The following PTPRN2 variants were observed in gnomAD, a reference collection of about 807,000 sequenced individuals.
PTPRN2 encodes receptor-type tyrosine-protein phosphatase N2.
A neutral mutation model predicts 118.8 loss-of-function variants in PTPRN2; 74 were observed. The observed-to-expected ratio is 0.62, with a 90% CI of 0.52 to 0.76. PTPRN2 has a LOEUF of 0.76. Ranked by LOEUF, PTPRN2 falls within the 30% of genes least tolerant of loss-of-function variation. The pLI, the probability that PTPRN2 is intolerant of heterozygous loss-of-function variation, is 0.00. For synonymous variants in PTPRN2, 641 were observed against 608.0 expected (o/e 1.05, Z -0.80); for missense variants, 1,481 against 1,394.4 (o/e 1.06, Z -0.99).
intron 11 of PTPRN2, among the ~76,000 whole-genome samples, chr7:157,961,941 G>A (rs1354304785): frequency 2.0e-5 from 3 of 152,036 alleles, no homozygotes; most frequent in Non-Finnish European, 1.5e-5. Context: ...GAGACCCGGC[G>A]GCCACACCTG....
At position 158,010,192 on chromosome 7, in the gene PTPRN2, G is replaced by T. The variant is rs559488418; in HGVS notation, c.1723+71106C>A. On this transcript the variant is annotated intron_variant, in intron 11 of 22. Transcript: ENST00000389418. ...GGTAAAGCCTCAACACGGGAGGACG[G>T]AGTTCATTTTCCTCCACTACCACGA... Among the ~76,000 whole-genome samples, 6 of 152,300 alleles carry T rather than the reference G, an allele frequency of 3.9e-5. No individual in the cohort carries two copies. In the East Asian group the frequency reaches 1.2e-3, roughly 29 times the overall value.
intron 3 of PTPRN2, among the ~76,000 whole-genome samples, chr7:158,250,733 A>C (rs1480952862): frequency 6.6e-6 from 1 of 152,230 alleles, no homozygotes; most frequent in Non-Finnish European, 1.5e-5. Context: ...GTTGCGCCGT[A>C]GTCCTGATTC....
chr7:157,893,872 G>A lies in PTPRN2; in HGVS notation c.1788+4801C>T, dbSNP rs551752387. ...AGTCCAATCTGTAGAACTCACGGAG[G>A]AGGAGCTGGTCGACTTGAAGGGAAC... On this transcript the variant is annotated intron_variant, in intron 12 of 22. Transcript: ENST00000389418. This position sits in a 1 kb window ranked among gnomAD's most constrained non-coding sequence, Gnocchi z 4.0. 6.6e-6 allele frequency among the ~76,000 whole-genome samples: 1 copy of A among 152,312 alleles called. No individual in the cohort carries two copies. Among genetic ancestry groups the A allele is most frequent in the Admixed American group, 6.5e-5 (1 of 15,302 alleles).
intron 12 of PTPRN2, among the ~76,000 whole-genome samples, chr7:157,790,428 C>T (rs1585475957): frequency 1.3e-5 from 2 of 151,970 alleles, no homozygotes; most frequent in African/African-American, 4.8e-5. Context: ...GGAAGGAGAC[C>T]GGGCGCTCCT....
At chr7:158,301,216 CACTTTGCACGGGCCGTGCA>C (rs1378329953) in intron 3 of PTPRN2, among the ~76,000 whole-genome samples, 1 of 152,166 alleles carries the variant, frequency 6.6e-6, no homozygotes, top group Non-Finnish European at 1.5e-5. Flanking sequence ...CCTGTATTTG[CACTTTGCACGGGCCGTGCA>C]AATTAAACAG....
intron 3 of PTPRN2, among the ~76,000 whole-genome samples, chr7:158,248,051 G>A (rs1796374489): frequency 6.6e-6 from 1 of 152,168 alleles, no homozygotes; most frequent in African/African-American, 2.4e-5. Flanking sequence ...CATCGTTTCT[G>A]AGGGTAAAGA....
chr7:158,126,729 C>T (rs1012454485), intron 9 of PTPRN2, among the ~76,000 whole-genome samples: 5 of 152,210 alleles, frequency 3.3e-5, no homozygotes, highest in African/African-American at 1.2e-4. Context: ...GCAGTGGTTC[C>T]TGAGCACTCG....
At chr7:158,067,157 G>GGAA (rs1810838048) in intron 11 of PTPRN2, among the ~76,000 whole-genome samples, 1 of 152,214 alleles carries the variant, frequency 6.6e-6, no homozygotes, top group South Asian at 2.1e-4. Context: ...GGAGGGCAAG[G>GGAA]GAAGGGTTGA....
chr7:158,134,299 C>G (rs952215179), intron 8 of PTPRN2, among the ~76,000 whole-genome samples: 8 of 152,122 alleles, frequency 5.3e-5, no homozygotes, highest in African/African-American at 1.9e-4. Context: ...CCCTCCCGCT[C>G]CCTCTCACAC....
At chr7:158,144,617 C>T (rs996834459) in intron 6 of PTPRN2, among the ~76,000 whole-genome samples, 42 of 151,960 alleles carry the variant, frequency 2.8e-4, no homozygotes, top group Middle Eastern at 3.4e-3. Context: ...CCAGCCTGGG[C>T]GATAGAGCGA....
At chr7:158,234,848 C>T (rs909534807) in intron 3 of PTPRN2, among the ~76,000 whole-genome samples, 4 of 152,204 alleles carry the variant, frequency 2.6e-5, no homozygotes, top group Non-Finnish European at 5.9e-5. Context: ...CTGCAACCTC[C>T]ACCTCCTGGA....
intron 14 of PTPRN2, among the ~76,000 whole-genome samples, chr7:157,633,638 C>A (rs1194774662): frequency 6.6e-6 from 1 of 152,124 alleles, no homozygotes; most frequent in Non-Finnish European, 1.5e-5. Flanking sequence ...GAGCCATGGG[C>A]CGAGTCCCCG....
At chr7:158,314,579 C>T (rs1459633015) in intron 3 of PTPRN2, among the ~76,000 whole-genome samples, 1 of 152,246 alleles carries the variant, frequency 6.6e-6, no homozygotes, top group Non-Finnish European at 1.5e-5. Flanking sequence ...GCCCAAGCCG[C>T]CCTGGAGGCT....
At chr7:158,103,203 A>T (rs1815386423) in intron 10 of PTPRN2, among the ~76,000 whole-genome samples, 1 of 152,142 alleles carries the variant, frequency 6.6e-6, no homozygotes, top group African/African-American at 2.4e-5. Flanking sequence ...TGGGCCCACG[A>T]TGAGTTCCTG....
chr7:157,661,926 C>A (rs923991847), intron 13 of PTPRN2, among the ~76,000 whole-genome samples: 1 of 152,218 alleles, frequency 6.6e-6, no homozygotes, highest in Non-Finnish European at 1.5e-5. Context: ...GAGACAGAGG[C>A]AACGGGGCCA....
At chr7:157,554,784 G>C (rs541824493) in intron 21 of PTPRN2, among the ~76,000 whole-genome samples, 1 of 152,226 alleles carries the variant, frequency 6.6e-6, no homozygotes, top group Middle Eastern at 3.2e-3. Context: ...CAGAGCGTGG[G>C]GTCCACGGAG....
intron 14 of PTPRN2, among the ~76,000 whole-genome samples, chr7:157,635,697 C>T (rs953953864): frequency 6.6e-6 from 1 of 152,000 alleles, no homozygotes; most frequent in Non-Finnish European, 1.5e-5. Context: ...AGAATTTTCT[C>T]CTATATTTTA....
chr7:157,696,468 C>A (rs1797780507), intron 12 of PTPRN2, among the ~76,000 whole-genome samples: 2 of 142,484 alleles, frequency 1.4e-5, no homozygotes, highest in Non-Finnish European at 3.0e-5. Flanking sequence ...CACCATCTAC[C>A]CATGCATACT....
In PTPRN2 at chr7:157,784,472, G is replaced by A. The variant is rs1803891317; in HGVS notation, c.1789-101535C>T. Reference sequence around the variant, plus strand: ...TCCAGCCTCACCTGCAAAAGCTGTGGCTGCGGGAACCTTCCTGCCCTGCAG... The same window carrying A: ...TCCAGCCTCACCTGCAAAAGCTGTGACTGCGGGAACCTTCCTGCCCTGCAG... On this transcript the variant is annotated intron_variant, in intron 12 of 22. Coordinates refer to ENST00000389418, the MANE Select transcript of PTPRN2 (RefSeq NM_002847.5). The surrounding 1 kb of genome is among the most constrained non-coding windows in gnomAD (Gnocchi z 4.6). 6.6e-6 allele frequency among the ~76,000 whole-genome samples: 1 copy of A among 152,218 alleles called. No individual in the cohort carries two copies. The highest frequency in any genetic ancestry group is 1.5e-5 in the Non-Finnish European group (1 of 68,046).
Sources: gnomAD v4.1 joint callset for allele counts (sites outside exome capture counted in the v4.1 genomes callset) on GRCh38, gnomAD v4.1.1 for gene constraint, Gnocchi (gnomAD v3.1) non-coding constraint, MANE v1.5 for transcripts, NCBI Gene and HGNC (gene_info 2026-07-23, HGNC 2026-07-21) for gene names.